NME7: variants seen among roughly 807,000 people sequenced by gnomAD.
NME7 encodes NME/NM23 family member 7.
Under a neutral mutation model 49.1 loss-of-function variants are expected in NME7, and 41 were observed. That is an observed-to-expected ratio of 0.83 (90% confidence interval 0.65 to 1.08). The LOEUF is 1.08. NME7 is among the 50% of genes least tolerant of loss of function. The pLI is 0.00. For synonymous variants in NME7, 139 were observed against 150.6 expected (o/e 0.92, Z 0.56); for missense variants, 423 against 463.4 (o/e 0.91, Z 0.80).
At chr1:169,177,036 G>C (rs1659774115) in intron 10 of NME7, among the ~76,000 whole-genome samples, 1 of 152,048 alleles carries the variant, frequency 6.6e-6, no homozygotes, top group African/African-American at 2.4e-5. Context: ...CCCTGGACCT[G>C]AAAGCAAGAG....
At chr1:169,247,436 A>T (rs751933482) in intron 7 of NME7, among the ~76,000 whole-genome samples, 4 of 152,168 alleles carry the variant, frequency 2.6e-5, no homozygotes, top group Non-Finnish European at 4.4e-5. Flanking sequence ...GATTTTCATG[A>T]ATGTTATTAT....
chr1:169,196,069 C>T (rs1660373305), intron 10 of NME7, among the ~76,000 whole-genome samples: 1 of 152,110 alleles, frequency 6.6e-6, no homozygotes, highest in African/African-American at 2.4e-5. Context: ...ACTGAGGTAA[C>T]TAAGTACCAA....
chr1:169,251,547 C>CTTT (rs36096137), intron 7 of NME7, among the ~76,000 whole-genome samples: 24 of 123,940 alleles, frequency 1.9e-4, no homozygotes, highest in East Asian at 1.7e-3. Flanking sequence ...ACTCTGGTTT[C>CTTT]TTTTTTTTTT....
rs189309253 is a variant in NME7, at chr1:169,350,132, C to T, written c.3+17576G>A. On this transcript the variant is annotated intron_variant, in intron 1 of 11. Transcript: ENST00000367811. ...ACTTGAACCTGGAAGGTGGAGGTTG[C>T]AGTGACCCAAGATCGTGCCAAGAAA... Among the ~76,000 whole-genome samples the T allele has an allele frequency of 2.2e-3, 330 of 149,498 alleles. 2 individuals carry two copies. The highest frequency in any genetic ancestry group is 0.01 in the Middle Eastern group (3 of 290).
chr1:169,360,485 C>T (rs879515462), intron 1 of NME7, among the ~76,000 whole-genome samples: 15 of 152,098 alleles, frequency 9.9e-5, no homozygotes, highest in Non-Finnish European at 2.1e-4. Context: ...AGAATAAAAT[C>T]CAAAATCCCT....
At chr1:169,147,559 A>G (rs1658793786) in intron 11 of NME7, among the ~76,000 whole-genome samples, 1 of 152,256 alleles carries the variant, frequency 6.6e-6, no homozygotes, top group Non-Finnish European at 1.5e-5. Context: ...AATGCTTGGC[A>G]TATGGCCAGG....
At chr1:169,210,923 T>C (rs1305812752) in intron 10 of NME7, among the ~76,000 whole-genome samples, 2 of 152,132 alleles carry the variant, frequency 1.3e-5, no homozygotes, top group African/African-American at 4.8e-5. Flanking sequence ...CTTTTAGGTA[T>C]ATTCCAGGTC....
At chr1:169,301,943 A>G (rs1035593847) in intron 5 of NME7, 1 of 152,180 alleles carries the variant, frequency 6.6e-6, no homozygotes, top group Non-Finnish European at 1.5e-5. Context: ...GTGGTTTGAA[A>G]AACTACCTAT....
chr1:169,295,169 T>C (rs958994222), intron 6 of NME7, among the ~76,000 whole-genome samples: 2 of 152,168 alleles, frequency 1.3e-5, no homozygotes, highest in African/African-American at 2.4e-5. Flanking sequence ...CCATCAGGAC[T>C]ATGAGCCAAA....
intron 11 of NME7, among the ~76,000 whole-genome samples, chr1:169,168,421 C>A (rs142699414): frequency 1.7e-4 from 22 of 129,658 alleles, no homozygotes; most frequent in African/African-American, 5.5e-4. Context: ...ATATTAGACT[C>A]CTTCCCCGCC....
intron 11 of NME7, among the ~76,000 whole-genome samples, chr1:169,158,817 C>T (rs1289585700): frequency 2.0e-5 from 3 of 152,090 alleles, no homozygotes; most frequent in African/African-American, 7.2e-5. Flanking sequence ...GGTGATGCAG[C>T]TGTTCTGGAG....
rs145956246 is a variant in NME7, at chr1:169,258,437, TATATC to T, written c.755-20755_755-20751del. On this transcript the variant is annotated intron_variant, in intron 7 of 11. Coordinates refer to ENST00000367811, the MANE Select transcript of NME7 (RefSeq NM_013330.5). The stretch of plus-strand genomic sequence containing the variant: ...ACACACACACACATACACACACACA[TATATC>T]TTCTCATTCTCAAAGTTAGCCTTTG... Among the ~76,000 whole-genome samples the T allele has an allele frequency of 1.8e-3, 220 of 119,576 alleles. 9 individuals are homozygous for T. Among genetic ancestry groups the T allele is most frequent in the Middle Eastern group, 8.3e-3 (2 of 242 alleles). The allele number at this position is 119,576 out of a possible 152,430, so 78.4% of individuals were successfully genotyped here.
chr1:169,363,542 G>GTGTGGTCTGGCCTC (rs1653739537), intron 1 of NME7, among the ~76,000 whole-genome samples: 1 of 152,102 alleles, frequency 6.6e-6, no homozygotes, highest in African/African-American at 2.4e-5. Flanking sequence ...GTACGTATAC[G>GTGTGGTCTGGCCTC]TGTGGTCTGG....
chr1:169,353,356 C>G lies in NME7; in HGVS notation c.3+14352G>C, dbSNP rs546436871. Reference sequence around the variant, plus strand: ...GGTATTTATACACAGAAGAATGGAACAAGACCCCTTTCTCTGGTCATATAC... The same window carrying G: ...GGTATTTATACACAGAAGAATGGAAGAAGACCCCTTTCTCTGGTCATATAC... On this transcript the variant is annotated intron_variant, in intron 1 of 11. Coordinates refer to ENST00000367811, the MANE Select transcript of NME7 (RefSeq NM_013330.5). Among the ~76,000 whole-genome samples, 5 of 152,148 alleles carry G rather than the reference C, an allele frequency of 3.3e-5. No individual in the cohort carries two copies. In the East Asian group the frequency reaches 9.6e-4, roughly 29 times the overall value.
intron 7 of NME7, 97 bp downstream of exon 7, chr1:169,287,205 TA>T (rs747144678): frequency 1.9e-6 from 2 of 1,040,684 alleles, no homozygotes; most frequent in Admixed American, 4.3e-5. Context: ...ATGGAAATAC[TA>T]AAAGTATACT....
At chr1:169,348,534 G>A (rs373581765) in intron 1 of NME7, among the ~76,000 whole-genome samples, 17 of 152,160 alleles carry the variant, frequency 1.1e-4, no homozygotes, top group Admixed American at 3.3e-4. Flanking sequence ...AATAGCATTC[G>A]AATGCCACTT....
intron 10 of NME7, among the ~76,000 whole-genome samples, chr1:169,220,472 C>T (rs77668613): frequency 3.2e-4 from 48 of 152,140 alleles, no homozygotes; most frequent in Non-Finnish European, 4.3e-4. Context: ...AAATTGGGAA[C>T]GGTGTTGGTC....
Position 169,257,538 on chromosome 1 carries a change from G to A in NME7, c.755-19851C>T, listed in dbSNP as rs1397234671. 4.5e-5 allele frequency among the ~76,000 whole-genome samples: 6 copies of A among 133,954 alleles called. 1 individual carries two copies. In the South Asian group the frequency reaches 7.0e-4, roughly 16 times the overall value. The allele number at this position is 133,954 out of a possible 152,430, so 87.9% of individuals were successfully genotyped here. On this transcript the variant is annotated intron_variant, in intron 7 of 11. Transcript: ENST00000367811. ...ATCACCCGTCTTCTGCGTCGCTCAC[G>A]CTGGGAGCTGTAGACCGGAGCTGTT...
chr1:169,162,830 C>T (rs528243830), intron 11 of NME7, among the ~76,000 whole-genome samples: 56 of 152,170 alleles, frequency 3.7e-4, no homozygotes, highest in Non-Finnish European at 6.8e-4. Context: ...CAGGGTGAGA[C>T]CTTGTCTCAA....
Sources: gnomAD v4.1 joint callset for allele counts (sites outside exome capture counted in the v4.1 genomes callset) on GRCh38, gnomAD v4.1.1 for gene constraint, MANE v1.5 for transcripts, NCBI Gene and HGNC (gene_info 2026-07-23, HGNC 2026-07-21) for gene names.